TIMP2: variants seen among roughly 807,000 people sequenced by gnomAD.
TIMP2 encodes TIMP metallopeptidase inhibitor 2.
In TIMP2, 5 loss-of-function variants were observed where a neutral mutation model predicts 24.3. The ratio of observed to expected loss-of-function variants is 0.21; its 90% CI spans 0.11 to 0.43. The LOEUF is 0.43. TIMP2 is among the 20% of genes least tolerant of loss of function. The pLI is 1.00. For synonymous variants in TIMP2, 130 were observed against 123.2 expected, an observed-to-expected ratio of 1.06 and a Z score of -0.37; for missense variants, 221 against 297.5, an observed-to-expected ratio of 0.74 and a Z score of 1.89.
intron 3 of TIMP2, among the ~76,000 whole-genome samples, chr17:78,861,376 G>A (rs1375412745): frequency 2.6e-5 from 4 of 152,134 alleles, no homozygotes; most frequent in Admixed American, 6.6e-5. Context: ...CAGAGAGTAC[G>A]TATAGAGAGT....
intron 1 of TIMP2, among the ~76,000 whole-genome samples, chr17:78,907,659 A>G (rs530674044): frequency 1.6e-4 from 24 of 152,352 alleles, no homozygotes; most frequent in Middle Eastern, 6.8e-3. Flanking sequence ...TGTGAGAAAA[A>G]AATGGCACCG....
Position 78,888,575 on chromosome 17 carries a change from C to T in TIMP2, c.131-14656G>A, listed in dbSNP as rs183307647. Among the ~76,000 whole-genome samples the T allele has an allele frequency of 6.3e-3, 964 of 152,314 alleles. 7 individuals carry two copies. The highest frequency in any genetic ancestry group is 0.022 in the African/African-American group (898 of 41,572). ...TCAAATGAACCTCTTGCCTCAGCCT[C>T]ACGAGTAGCTGGGACTGTAGGTGCA... On this transcript the variant is annotated intron_variant, in intron 1 of 4. Coordinates refer to ENST00000262768, the MANE Select transcript of TIMP2 (RefSeq NM_003255.5).
In TIMP2 at chr17:78,924,963, A is replaced by G; in HGVS notation, c.126T>C (p.Asp42=). ...VHPQQAFCNA[D]VVIRAKAVSE... ...GCTGGGGTCGCCGCTCCTTACCTACATCTGCATTGCAAAACGCCTGTTGCG... is the reference window on the plus strand; with the variant it reads ...GCTGGGGTCGCCGCTCCTTACCTACGTCTGCATTGCAAAACGCCTGTTGCG... Residue 42 remains aspartate, a synonymous_variant, in exon 1 of 5, where the codon GAT becomes GAC. Coordinates refer to ENST00000262768, the MANE Select transcript of TIMP2 (RefSeq NM_003255.5). The surrounding 1 kb of genome is among the most constrained non-coding windows in gnomAD (Gnocchi z 5.3). 7.8e-7 allele frequency: 1 copy of G among 1,279,436 alleles called. No individual in the cohort carries two copies. Among genetic ancestry groups the G allele is most frequent in the Non-Finnish European group, 1.0e-6 (1 of 1,002,036 alleles). 79.3% of individuals were successfully genotyped at this position (1,279,436 alleles called of 1,614,324 possible).
Position 78,903,835 on chromosome 17 carries a change from T to C in TIMP2, c.130+21124A>G, listed in dbSNP as rs2070130699. ...GCAGGGGGTTTCCAGGAAGCAGGAGTAGCTGCTGGAAATGGGGGCCCCTGA... is the reference window on the plus strand; with the variant it reads ...GCAGGGGGTTTCCAGGAAGCAGGAGCAGCTGCTGGAAATGGGGGCCCCTGA... On this transcript the variant is annotated intron_variant, in intron 1 of 4. Transcript: ENST00000262768. 2.0e-5 allele frequency among the ~76,000 whole-genome samples: 3 copies of C among 148,524 alleles called. No homozygotes were observed. In the South Asian group the frequency reaches 6.5e-4, roughly 32 times the overall value.
chr17:78,886,179 G>A (rs1413236041), intron 1 of TIMP2, among the ~76,000 whole-genome samples: 1 of 152,166 alleles, frequency 6.6e-6, no homozygotes, highest in Non-Finnish European at 1.5e-5. Flanking sequence ...GCAGAGATGA[G>A]TCACCCTCCA....
intron 1 of TIMP2, chr17:78,890,487 T>TGC (rs2069870676): frequency 3.4e-6 from 3 of 888,242 alleles, no homozygotes; most frequent in Admixed American, 2.9e-5. Context: ...ATTACAGGCG[T>TGC]GCGCCACTGC....
intron 3 of TIMP2, among the ~76,000 whole-genome samples, chr17:78,869,020 T>C (rs1214538951): frequency 2.0e-5 from 3 of 152,228 alleles, no homozygotes; most frequent in African/African-American, 7.2e-5. Context: ...CCCCAAATGT[T>C]AATAGTGCTG....
intron 3 of TIMP2, among the ~76,000 whole-genome samples, chr17:78,863,673 A>G (rs1389978708): frequency 6.6e-6 from 1 of 152,170 alleles, no homozygotes; most frequent in Non-Finnish European, 1.5e-5. Flanking sequence ...AGGCTACCCT[A>G]GCCCTCCTTA....
intron 1 of TIMP2, among the ~76,000 whole-genome samples, chr17:78,881,943 G>A (rs2069783771): frequency 6.7e-6 from 1 of 149,460 alleles, no homozygotes; most frequent in African/African-American, 2.5e-5. Context: ...CCATATGGCT[G>A]GTCAACCTGG....
At chr17:78,890,472 C>T (rs531029448) in intron 1 of TIMP2, 4 of 775,352 alleles carry the variant, frequency 5.2e-6, no homozygotes, top group Non-Finnish European at 5.9e-6. Flanking sequence ...TCCCAAAGTG[C>T]TGGGATTACA....
At chr17:78,876,438 C>A (rs1335584037) in intron 1 of TIMP2, among the ~76,000 whole-genome samples, 1 of 152,100 alleles carries the variant, frequency 6.6e-6, no homozygotes, top group Admixed American at 6.6e-5. Context: ...TCAGCCATCT[C>A]CCAGGTTCAA....
chr17:78,907,549 T>A (rs899535659), intron 1 of TIMP2, among the ~76,000 whole-genome samples: 15 of 152,154 alleles, frequency 9.9e-5, no homozygotes, highest in African/African-American at 2.9e-4. Flanking sequence ...CAAAGACCAC[T>A]GATCACAGAT....
intron 4 of TIMP2, 184 bp from the exon 5 acceptor site, chr17:78,856,048 G>T: frequency 1.6e-6 from 1 of 632,252 alleles, no homozygotes; most frequent in Non-Finnish European, 2.8e-6. Context: ...GGTCTAACCT[G>T]CAGGGAAGCT....
chr17:78,897,006 G>A (rs1370695372), intron 1 of TIMP2: 27 of 985,326 alleles, frequency 2.7e-5, no homozygotes, highest in African/African-American at 2.3e-4. Flanking sequence ...TTCCCTGGGC[G>A]GCCGCTCAGA....
Position 78,924,983 on chromosome 17 carries a change from G to A in TIMP2, c.106C>T (p.Gln36Ter). ...ACSCSPVHPQ[Q>*]AFCNADVVIR... ...CCTACATCTGCATTGCAAAACGCCT[G>A]TTGCGGGTGCACCGGGGAGCAGCTG... The change falls in exon 1 of 5, where the codon CAG becomes TAG. Residue 36 changes from glutamine (Q) to a stop codon, truncating the protein, a stop_gained. Coordinates refer to ENST00000262768, the MANE Select transcript of TIMP2 (RefSeq NM_003255.5). LOFTEE classifies it high-confidence loss of function. This position sits in a 1 kb window ranked among gnomAD's most constrained non-coding sequence, Gnocchi z 5.3. The A allele has an allele frequency of 7.7e-7, 1 of 1,305,480 alleles. No individual in the cohort carries two copies. The highest frequency in any genetic ancestry group is 9.8e-7 in the Non-Finnish European group (1 of 1,016,852). The allele number at this position is 1,305,480 out of a possible 1,614,324, so 80.9% of individuals were successfully genotyped here.
intron 3 of TIMP2, among the ~76,000 whole-genome samples, chr17:78,869,721 A>T (rs566510379): frequency 2.9e-4 from 44 of 152,320 alleles, no homozygotes; most frequent in South Asian, 4.1e-4. Context: ...AGGCTGAGGC[A>T]GGAGAATCGC....
intron 1 of TIMP2, chr17:78,892,621 C>T: frequency 9.1e-7 from 1 of 1,094,426 alleles, no homozygotes; most frequent in East Asian, 2.6e-5. Flanking sequence ...CTCTCAGCCT[C>T]CCAATTTCTG....
At chr17:78,867,403 A>C (rs1314725254) in intron 3 of TIMP2, among the ~76,000 whole-genome samples, 1 of 152,234 alleles carries the variant, frequency 6.6e-6, no homozygotes, top group East Asian at 1.9e-4. Context: ...AGCTGTGAGC[A>C]TGTTAAGGAA....
chr17:78,908,008 G>A (rs2070176316), intron 1 of TIMP2, among the ~76,000 whole-genome samples: 1 of 152,162 alleles, frequency 6.6e-6, no homozygotes, highest in South Asian at 2.1e-4. Flanking sequence ...AGTGGTGTGT[G>A]TCTGTGGTCC....
Sources: allele counts gnomAD v4.1 joint callset (sites outside exome capture counted in the v4.1 genomes callset), GRCh38; gene constraint gnomAD v4.1.1; non-coding constraint Gnocchi (gnomAD v3.1); transcripts MANE v1.5; gene names NCBI Gene and HGNC (gene_info 2026-07-23, HGNC 2026-07-21).